GPC6: variants seen among roughly 807,000 people sequenced by gnomAD.
GPC6 encodes the protein glypican-6.
Under a neutral mutation model 55.2 loss-of-function variants are expected in GPC6, and 14 were observed. The observed-to-expected ratio is 0.25, with a 90% CI of 0.17 to 0.40. The LOEUF (loss-of-function observed/expected upper bound fraction) is 0.40. Ranked by LOEUF, GPC6 falls within the 10% of genes least tolerant of loss-of-function variation. GPC6 has a pLI of 1.00. For missense variants in GPC6, 641 were observed against 708.5 expected (o/e 0.90, Z 1.08); for synonymous variants, 278 against 259.6 (o/e 1.07, Z -0.68).
chr13:93,899,016 T>A (rs1172444677), intron 3 of GPC6, among the ~76,000 whole-genome samples: 1 of 149,974 alleles, frequency 6.7e-6, no homozygotes, highest in Non-Finnish European at 1.5e-5. Flanking sequence ...TTGCTTTTAA[T>A]CTCCAATACC....
chr13:94,179,243 T>C (rs1050221281), intron 4 of GPC6, among the ~76,000 whole-genome samples: 2 of 152,240 alleles, frequency 1.3e-5, no homozygotes, highest in African/African-American at 2.4e-5. Flanking sequence ...CCTTCTAAGA[T>C]GCATCTTCTT....
At position 94,405,036 on chromosome 13, in the gene GPC6, T is replaced by A. The variant is rs1407208986; in HGVS notation, c.*1819T>A. 6.6e-6 allele frequency: 1 copy of A among 152,242 alleles called. No homozygotes were observed. Among genetic ancestry groups the A allele is most frequent in the Non-Finnish European group, 1.5e-5 (1 of 68,040 alleles). The allele number at this position is 152,242 out of a possible 1,614,324, so 9.4% of individuals were successfully genotyped here. On this transcript the variant is annotated 3_prime_UTR_variant, in exon 9 of 9. Transcript: ENST00000377047. Reference sequence around the variant, plus strand: ...CAGTATTGACACGTAAATGGTATTTTTCAATCTGTTCTCATCAAAATTAAA... The same window carrying A: ...CAGTATTGACACGTAAATGGTATTTATCAATCTGTTCTCATCAAAATTAAA...
intron 3 of GPC6, among the ~76,000 whole-genome samples, chr13:93,951,934 T>G (rs1230353245): frequency 6.6e-6 from 1 of 152,200 alleles, no homozygotes; most frequent in East Asian, 1.9e-4. Context: ...AAAGGTTTGT[T>G]TCTGAGCCGA....
intron 6 of GPC6, among the ~76,000 whole-genome samples, chr13:94,361,349 G>A (rs1175905017): frequency 1.3e-5 from 2 of 152,156 alleles, no homozygotes; most frequent in Non-Finnish European, 2.9e-5. Context: ...TAGTTGCCAC[G>A]TTCAAATTCC....
intron 5 of GPC6, among the ~76,000 whole-genome samples, chr13:94,287,144 T>C (rs1011457600): frequency 1.3e-5 from 2 of 151,752 alleles, no homozygotes; most frequent in African/African-American, 4.9e-5. Flanking sequence ...TAAGCAAAAT[T>C]GAGAAGTTTG....
At chr13:93,699,788 C>T (rs1882604967) in intron 2 of GPC6, among the ~76,000 whole-genome samples, 1 of 151,940 alleles carries the variant, frequency 6.6e-6, no homozygotes, top group African/African-American at 2.4e-5. Flanking sequence ...ATGATTTTTT[C>T]ATTATTGCTA....
At chr13:93,234,873 A>G (rs1051837096) in intron 1 of GPC6, among the ~76,000 whole-genome samples, 4 of 152,234 alleles carry the variant, frequency 2.6e-5, no homozygotes, top group Admixed American at 2.0e-4. Context: ...TATTAACAGT[A>G]TCAGTGTCAC....
intron 2 of GPC6, among the ~76,000 whole-genome samples, chr13:93,708,143 C>G (rs1048845217): frequency 6.6e-6 from 1 of 151,678 alleles, no homozygotes; most frequent in African/African-American, 2.4e-5. Flanking sequence ...TATTTCATGA[C>G]AAGTCTAATT....
At chr13:93,954,499 G>A (rs577466439) in intron 3 of GPC6, among the ~76,000 whole-genome samples, 1 of 152,006 alleles carries the variant, frequency 6.6e-6, no homozygotes, top group African/African-American at 2.4e-5. Context: ...GTAGAGACAG[G>A]TTTCACCATG....
chr13:94,000,117 G>T (rs1881733270), intron 3 of GPC6, among the ~76,000 whole-genome samples: 1 of 151,934 alleles, frequency 6.6e-6, no homozygotes, highest in Admixed American at 6.6e-5. Context: ...CTCTTCTTCT[G>T]GAATACCCTG....
At chr13:93,833,822 TACAA>T (rs1292910209) in intron 3 of GPC6, among the ~76,000 whole-genome samples, 1 of 152,296 alleles carries the variant, frequency 6.6e-6, no homozygotes, top group Non-Finnish European at 1.5e-5. Context: ...ATCTTATGGA[TACAA>T]ACAGTCTTTT....
chr13:93,263,742 G>A (rs1877231258), intron 1 of GPC6, among the ~76,000 whole-genome samples: 1 of 152,148 alleles, frequency 6.6e-6, no homozygotes, highest in Admixed American at 6.5e-5. Flanking sequence ...CATATGTAGG[G>A]TGTTTTGTCT....
At position 93,691,479 on chromosome 13, in the gene GPC6, G is replaced by GTT. The variant is rs66475646; in HGVS notation, c.320-138665_320-138664dup. Among the ~76,000 whole-genome samples, 484 of 147,732 alleles carry GTT rather than the reference G, an allele frequency of 3.3e-3. 1 individual carries two copies. The highest frequency in any genetic ancestry group is 8.2e-3 in the African/African-American group (334 of 40,522). On this transcript the variant is annotated intron_variant, in intron 2 of 8. Coordinates refer to ENST00000377047, the MANE Select transcript of GPC6 (RefSeq NM_005708.5). The stretch of plus-strand genomic sequence containing the variant: ...TCTGTAGGATTAAAGGCTTGCCATG[G>GTT]TTTTTTTTTTTCTCTTATCACATTG...
At chr13:94,139,552 G>T (rs1887301394) in intron 4 of GPC6, among the ~76,000 whole-genome samples, 1 of 152,048 alleles carries the variant, frequency 6.6e-6, no homozygotes, top group African/African-American at 2.4e-5. Context: ...TCCATCTAAA[G>T]ACTTGCCTTT....
At chr13:94,356,760 G>A (rs1321233221) in intron 6 of GPC6, among the ~76,000 whole-genome samples, 1 of 152,006 alleles carries the variant, frequency 6.6e-6, no homozygotes, top group Non-Finnish European at 1.5e-5. Context: ...AATGTAGCTG[G>A]GCATGGTGGC....
Position 93,878,399 on chromosome 13 carries a change from C to T in GPC6, c.711+47854C>T, listed in dbSNP as rs534492331. ...CTCTTACCTTTCAGACTCTTTTAGACGGAGTCTCGCACTGTCATCCAGGCT... is the reference window on the plus strand; with the variant it reads ...CTCTTACCTTTCAGACTCTTTTAGATGGAGTCTCGCACTGTCATCCAGGCT... On this transcript the variant is annotated intron_variant, in intron 3 of 8. Transcript: ENST00000377047. Among the ~76,000 whole-genome samples the T allele has an allele frequency of 1.1e-4, 17 of 152,006 alleles. No individual in the cohort carries two copies. The South Asian group carries it at 1.2e-3, about 11-fold the overall frequency.
intron 1 of GPC6, among the ~76,000 whole-genome samples, chr13:93,537,019 G>A (rs1359320402): frequency 6.6e-6 from 1 of 152,128 alleles, no homozygotes; most frequent in Non-Finnish European, 1.5e-5. Flanking sequence ...TAACTGTTAA[G>A]CTGCTGGTCT....
chr13:94,246,351 T>C (rs1467758419), intron 4 of GPC6, among the ~76,000 whole-genome samples: 2 of 152,088 alleles, frequency 1.3e-5, no homozygotes, highest in African/African-American at 4.8e-5. Flanking sequence ...GTGTATAAGG[T>C]TTTTAGTTTG....
chr13:94,076,511 T>C (rs988931335), intron 4 of GPC6, among the ~76,000 whole-genome samples: 3 of 152,020 alleles, frequency 2.0e-5, no homozygotes, highest in African/African-American at 7.2e-5. Context: ...ATTTTTGCTC[T>C]TGTTTCATGT....
Sources: allele counts gnomAD v4.1 joint callset (sites outside exome capture counted in the v4.1 genomes callset), GRCh38; gene constraint gnomAD v4.1.1; transcripts MANE v1.5; gene names NCBI Gene and HGNC (gene_info 2026-07-23, HGNC 2026-07-21).